STXBP5L: variants seen among roughly 807,000 people sequenced by gnomAD.
The protein encoded by STXBP5L is syntaxin-binding protein 5-like.
Under a neutral mutation model 144.5 loss-of-function variants are expected in STXBP5L, and 65 were observed. That is an observed-to-expected ratio of 0.45 (90% confidence interval 0.37 to 0.55). The LOEUF is 0.55. Ranked by LOEUF, STXBP5L falls within the 20% of genes least tolerant of loss-of-function variation. The pLI is 0.00. For missense variants in STXBP5L, 1,298 were observed against 1,405.5 expected (o/e 0.92, Z 1.22); for synonymous variants, 505 against 469.6 (o/e 1.08, Z -0.97).
intron 20 of STXBP5L, among the ~76,000 whole-genome samples, chr3:121,349,850 G>A (rs181239904): frequency 1.4e-4 from 21 of 152,160 alleles, no homozygotes; most frequent in African/African-American, 4.8e-4. Flanking sequence ...GCCTATGTCT[G>A]TCTCTGCATG....
At chr3:121,073,910 G>C (rs2041913044) in intron 5 of STXBP5L, among the ~76,000 whole-genome samples, 1 of 152,212 alleles carries the variant, frequency 6.6e-6, no homozygotes, top group South Asian at 2.1e-4. Flanking sequence ...TTAAAGCCAA[G>C]ATATCTTGCC....
intron 14 of STXBP5L, among the ~76,000 whole-genome samples, chr3:121,248,053 CT>C (rs979656503): frequency 5.3e-5 from 8 of 151,650 alleles, no homozygotes; most frequent in Admixed American, 2.6e-4. Context: ...TTTTGATTTT[CT>C]TTTTTTTTCT....
chr3:121,016,975 A>G (rs140636485), intron 3 of STXBP5L, among the ~76,000 whole-genome samples: 1 of 152,318 alleles, frequency 6.6e-6, no homozygotes, highest in African/African-American at 2.4e-5. Context: ...CCAGACAAAG[A>G]CATTACCAGA....
chr3:121,096,350 CT>C (rs1297675517), intron 5 of STXBP5L, among the ~76,000 whole-genome samples: 1 of 152,196 alleles, frequency 6.6e-6, no homozygotes, highest in Non-Finnish European at 1.5e-5. Context: ...CTGAAGCCTA[CT>C]TTTGTCAGTT....
intron 13 of STXBP5L, 67 bp from the exon 14 acceptor site, chr3:121,240,373 T>C: frequency 7.1e-7 from 1 of 1,413,908 alleles, no homozygotes; most frequent in Non-Finnish European, 9.8e-7. Context: ...TATTTTAAGC[T>C]ATTTTCATTT....
intron 2 of STXBP5L, among the ~76,000 whole-genome samples, chr3:120,945,681 C>G (rs1710813154): frequency 6.6e-6 from 1 of 151,606 alleles, no homozygotes; most frequent in Non-Finnish European, 1.5e-5. Flanking sequence ...CTGGTATTGG[C>G]AAAAGGAGAA....
At chr3:121,170,482 A>G (rs1184551013) in intron 9 of STXBP5L, among the ~76,000 whole-genome samples, 1 of 152,228 alleles carries the variant, frequency 6.6e-6, no homozygotes, top group Admixed American at 6.5e-5. Flanking sequence ...AGAATCAAAT[A>G]GACACAATAA....
chr3:121,176,425 A>G (rs2046934685), intron 9 of STXBP5L, among the ~76,000 whole-genome samples: 1 of 151,002 alleles, frequency 6.6e-6, no homozygotes, highest in Non-Finnish European at 1.5e-5. Context: ...AAAACAGATA[A>G]TCAATGAAAC....
At chr3:121,200,464 A>G (rs184208398) in intron 9 of STXBP5L, among the ~76,000 whole-genome samples, 1 of 152,146 alleles carries the variant, frequency 6.6e-6, no homozygotes. Flanking sequence ...AGAGTTTCTC[A>G]TGTCTCTGTC....
In STXBP5L at chr3:121,002,088, C is replaced by T. The variant is rs182396797; in HGVS notation, c.288-39612C>T. Among the ~76,000 whole-genome samples the T allele has an allele frequency of 5.3e-4, 80 of 152,290 alleles. 1 individual carries two copies. The highest frequency in any genetic ancestry group is 5.2e-3 in the Admixed American group (80 of 15,292). ...TCATATATACCCAGAAGAGAGATTA[C>T]TGGATCATATAGTATTTTTAATTAT... On this transcript the variant is annotated intron_variant, in intron 3 of 26. Transcript: ENST00000471454.
chr3:121,233,503 G>A (rs953937007), intron 11 of STXBP5L, 113 bp from the exon 12 acceptor site: 4 of 638,390 alleles, frequency 6.3e-6, no homozygotes, highest in Non-Finnish European at 7.3e-6. Context: ...CTTATAGTTT[G>A]GTCTTCTCAC....
intron 5 of STXBP5L, among the ~76,000 whole-genome samples, chr3:121,088,002 A>ATG (rs2042583422): frequency 6.6e-6 from 1 of 152,088 alleles, no homozygotes. Context: ...CCCTATATAT[A>ATG]TTATGAACCA....
chr3:121,173,606 C>T (rs1294105911), intron 9 of STXBP5L, among the ~76,000 whole-genome samples: 1 of 151,786 alleles, frequency 6.6e-6, no homozygotes, highest in Non-Finnish European at 1.5e-5. Context: ...ATAACATAAT[C>T]GATTAACAAC....
intron 3 of STXBP5L, among the ~76,000 whole-genome samples, chr3:121,004,763 G>A (rs556374798): frequency 3.6e-4 from 55 of 152,228 alleles, no homozygotes; most frequent in Non-Finnish European, 6.2e-4. Context: ...AGCATGAAGC[G>A]TTGTTGAATT....
chr3:121,342,596 G>A (rs1176130457), intron 20 of STXBP5L, among the ~76,000 whole-genome samples: 5 of 148,920 alleles, frequency 3.4e-5, no homozygotes, highest in African/African-American at 1.2e-4. Flanking sequence ...AATATGCAGT[G>A]TTTGGTTTTT....
At chr3:121,199,407 T>C (rs2048050275) in intron 9 of STXBP5L, among the ~76,000 whole-genome samples, 1 of 152,196 alleles carries the variant, frequency 6.6e-6, no homozygotes, top group Admixed American at 6.5e-5. Flanking sequence ...TTTCTAAATA[T>C]ACAATCTTGT....
intron 10 of STXBP5L, among the ~76,000 whole-genome samples, chr3:121,218,732 T>C (rs2048882533): frequency 6.6e-6 from 1 of 152,090 alleles, no homozygotes; most frequent in African/African-American, 2.4e-5. Context: ...AACATATTTT[T>C]AGAAATCAAA....
intron 3 of STXBP5L, among the ~76,000 whole-genome samples, chr3:121,007,292 A>T (rs2108099795): frequency 6.6e-6 from 1 of 151,928 alleles, no homozygotes. Flanking sequence ...ATCACTGAGG[A>T]TTTTGTTGAC....
intron 19 of STXBP5L, among the ~76,000 whole-genome samples, chr3:121,303,515 A>T (rs1275281134): frequency 6.6e-6 from 1 of 152,200 alleles, no homozygotes; most frequent in African/African-American, 2.4e-5. Flanking sequence ...TGACCCAGCC[A>T]TCCCATTACT....
Sources: allele counts gnomAD v4.1 joint callset (sites outside exome capture counted in the v4.1 genomes callset), GRCh38; gene constraint gnomAD v4.1.1; transcripts MANE v1.5; gene names NCBI Gene and HGNC (gene_info 2026-07-23, HGNC 2026-07-21).